Variants in FRAS1 observed in about 807,000 individuals in gnomAD.
FRAS1 encodes Fraser extracellular matrix complex subunit 1, also known as extracellular matrix organizing protein FRAS1.
In FRAS1, 290 loss-of-function variants were observed where a neutral mutation model predicts 435.2. The ratio of observed to expected loss-of-function variants is 0.67; its 90% CI spans 0.61 to 0.73. The LOEUF (loss-of-function observed/expected upper bound fraction) is 0.73, where lower values mean the gene tolerates loss of function less well. FRAS1 is among the 30% of genes least tolerant of loss of function. The probability of loss-of-function intolerance (pLI) is 0.00; values close to 1 mark genes in which losing one functional copy is unlikely to be tolerated. For missense variants in FRAS1, 4,860 were observed against 5,001.5 expected (o/e 0.97, Z 0.85); for synonymous variants, 1,800 against 1,851.0 (o/e 0.97, Z 0.71).
chr4:78,157,984 T>G (rs1720967543), intron 2 of FRAS1, among the ~76,000 whole-genome samples: 1 of 152,180 alleles, frequency 6.6e-6, no homozygotes, highest in Non-Finnish European at 1.5e-5. Context: ...TGGTTTTGGG[T>G]GTGCAGATGT....
intron 69 of FRAS1, among the ~76,000 whole-genome samples, chr4:78,523,904 A>T (rs948504972): frequency 1.3e-5 from 2 of 152,076 alleles, no homozygotes; most frequent in Admixed American, 6.5e-5. Flanking sequence ...TATCCACGTT[A>T]GTTACTCACC....
rs1722019569 is a variant in FRAS1, at chr4:78,540,634, G to A, written c.11549G>A (p.Arg3850His). Reference sequence around the variant, plus strand: ...CGCTCTCTCACAGCTCCACTCAGACGCAACCGAAGGGACCTGGTAGAGCCC... The same window carrying A: ...CGCTCTCTCACAGCTCCACTCAGACACAACCGAAGGGACCTGGTAGAGCCC... ...VQRSLTAPLRRNRRDLVEPDG... is the reference protein window; with the variant it reads ...VQRSLTAPLRHNRRDLVEPDG... The change falls in exon 74 of 74, where the codon CGC (arginine) becomes CAC (histidine). Residue 3850 changes from arginine (R) to histidine (H), a missense_variant. Transcript: ENST00000512123. 12 of 1,593,976 alleles carry A rather than the reference G, an allele frequency of 7.5e-6. No individual in the cohort carries two copies. Among genetic ancestry groups the A allele is most frequent in the Admixed American group, 1.7e-5 (1 of 57,830 alleles).
intron 2 of FRAS1, among the ~76,000 whole-genome samples, chr4:78,210,433 TG>T (rs1723454881): frequency 6.6e-6 from 1 of 152,216 alleles, no homozygotes; most frequent in African/African-American, 2.4e-5. Flanking sequence ...CTATATCACT[TG>T]GAGTCTCAGC....
intron 14 of FRAS1, among the ~76,000 whole-genome samples, chr4:78,303,769 G>A (rs1161149231): frequency 1.3e-5 from 2 of 151,858 alleles, no homozygotes; most frequent in Non-Finnish European, 2.9e-5. Context: ...AGACAGTGGG[G>A]TTTTCTAGAT....
intron 2 of FRAS1, among the ~76,000 whole-genome samples, chr4:78,215,553 A>G (rs1723731296): frequency 6.6e-6 from 1 of 152,318 alleles, no homozygotes; most frequent in African/African-American, 2.4e-5. Context: ...TGTACAACCA[A>G]TCCACAGAAC....
Position 78,418,350 on chromosome 4 carries a change from C to G in FRAS1, c.4426-599C>G, listed in dbSNP as rs150556847. ...CTTTTAGCCCTTTGTTACCAGAAGG[C>G]ATCACAGTTTCCATTAGCAAAACTG... On this transcript the variant is annotated intron_variant, in intron 32 of 73. Transcript: ENST00000512123. 4.7e-3 allele frequency among the ~76,000 whole-genome samples: 718 copies of G among 152,274 alleles called. 2 individuals carry two copies. The highest frequency in any genetic ancestry group is 0.016 in the African/African-American group (678 of 41,554).
intron 22 of FRAS1, among the ~76,000 whole-genome samples, chr4:78,364,442 G>T (rs909600212): frequency 2.6e-5 from 4 of 152,180 alleles, no homozygotes; most frequent in Admixed American, 2.6e-4. Flanking sequence ...TATGCAATCA[G>T]TGGACTAAGC....
chr4:78,081,960 T>C (rs1447632892), intron 2 of FRAS1, among the ~76,000 whole-genome samples: 1 of 152,164 alleles, frequency 6.6e-6, no homozygotes, highest in Non-Finnish European at 1.5e-5. Flanking sequence ...GCTCTTCTTG[T>C]TTAAATTCTT....
At chr4:78,133,475 T>C (rs564784755) in intron 2 of FRAS1, among the ~76,000 whole-genome samples, 42 of 152,204 alleles carry the variant, frequency 2.8e-4, no homozygotes, top group Non-Finnish European at 5.3e-4. Context: ...AGAGTCACTA[T>C]GGTTTATAAT....
At chr4:78,422,517 G>A (rs1277776225) in intron 34 of FRAS1, among the ~76,000 whole-genome samples, 2 of 152,168 alleles carry the variant, frequency 1.3e-5, no homozygotes, top group East Asian at 1.9e-4. Flanking sequence ...TATGTATTTG[G>A]ATGGTCAGGA....
intron 35 of FRAS1, among the ~76,000 whole-genome samples, chr4:78,428,347 A>G (rs1164196606): frequency 6.6e-6 from 1 of 150,900 alleles, no homozygotes; most frequent in Non-Finnish European, 1.5e-5. Context: ...TTTTGAGACG[A>G]AGTCTCGCTG....
At chr4:78,150,047 C>T (rs1720579994) in intron 2 of FRAS1, among the ~76,000 whole-genome samples, 1 of 152,166 alleles carries the variant, frequency 6.6e-6, no homozygotes, top group Non-Finnish European at 1.5e-5. Context: ...AATCAAGATA[C>T]TGCACTGTCA....
chr4:78,445,467 T>C, intron 41 of FRAS1, 55 bp from the exon 42 acceptor site: 1 of 1,468,282 alleles, frequency 6.8e-7, no homozygotes, highest in Non-Finnish European at 9.0e-7. Flanking sequence ...TAGTTCAGCC[T>C]AGTAAGCAGG....
At chr4:78,534,369 G>A in intron 70 of FRAS1, 80 bp from the exon 71 acceptor site, 1 of 1,145,122 alleles carries the variant, frequency 8.7e-7, no homozygotes, top group Non-Finnish European at 1.3e-6. Context: ...TGTGGAGGGT[G>A]GGGAAGGGAG....
chr4:78,254,850 A>G (rs1175251437), intron 5 of FRAS1, among the ~76,000 whole-genome samples: 1 of 151,882 alleles, frequency 6.6e-6, no homozygotes, highest in African/African-American at 2.4e-5. Flanking sequence ...TGGGCCTGGG[A>G]ATGAAGGGTG....
Position 78,220,224 on chromosome 4 carries a change from T to C in FRAS1, c.109-17286T>C, listed in dbSNP as rs192040111. On this transcript the variant is annotated intron_variant, in intron 2 of 73. Transcript: ENST00000512123. Reference sequence around the variant, plus strand: ...TTTTCTGATGCAGTAGATTAGACGTTCATGGACTATAGCTTGTGGGCCAAA... The same window carrying C: ...TTTTCTGATGCAGTAGATTAGACGTCCATGGACTATAGCTTGTGGGCCAAA... Among the ~76,000 whole-genome samples the C allele has an allele frequency of 2.0e-5, 3 of 152,358 alleles. No individual in the cohort carries two copies. In the East Asian group the frequency reaches 5.8e-4, roughly 29 times the overall value.
intron 40 of FRAS1, among the ~76,000 whole-genome samples, chr4:78,440,092 G>A (rs913968133): frequency 1.4e-5 from 2 of 146,670 alleles, no homozygotes; most frequent in East Asian, 2.0e-4. Flanking sequence ...CTGCAGTGGC[G>A]CAATCTCGGC....
In FRAS1 at chr4:78,445,578, G is replaced by C; in HGVS notation, c.5722G>C (p.Asp1908His). Residue 1908 changes from aspartate (D) to histidine (H), a missense_variant, in exon 42 of 74, where the codon GAC becomes CAC. Asp to His is a moderately conservative substitution (Grantham distance 81, BLOSUM62 -1). Coordinates refer to ENST00000512123, the MANE Select transcript of FRAS1 (RefSeq NM_025074.7). ...SDLEASFPIQ[D>H]VLENYIYYFQ... ...CCTAGAGGCATCATTTCCTATTCAA[G>C]ACGTCCTGGAAAACTACATTTACTA... 1 of 1,612,868 alleles carries C rather than the reference G, an allele frequency of 6.2e-7. No individual in the cohort carries two copies. Among genetic ancestry groups the C allele is most frequent in the South Asian group, 1.1e-5 (1 of 90,852 alleles).
chr4:78,509,019 G>A lies in FRAS1; in HGVS notation c.9780+13G>A, dbSNP rs1415795930. ...TGTCAACCACATGGTAGGTCTGGGG[G>A]TCTGGGCCTGGTTCTCCCTCCCTGG... On this transcript the variant is annotated intron_variant, in intron 63 of 73. Transcript: ENST00000512123. 13 of 1,613,560 alleles carry A rather than the reference G, an allele frequency of 8.1e-6. No homozygotes were observed. Among genetic ancestry groups the A allele is most frequent in the Admixed American group, 3.3e-5 (2 of 59,984 alleles).
Sources: gnomAD v4.1 joint callset for allele counts (sites outside exome capture counted in the v4.1 genomes callset) on GRCh38, gnomAD v4.1.1 for gene constraint, MANE v1.5 for transcripts, NCBI Gene and HGNC (gene_info 2026-07-23, HGNC 2026-07-21) for gene names.